The following TSPAN11 variants were observed in gnomAD, a reference collection of about 807,000 sequenced individuals.
TSPAN11 encodes tetraspanin-11.
A neutral mutation model predicts 32.9 loss-of-function variants in TSPAN11; 29 were observed. The observed-to-expected ratio is 0.88, with a 90% CI of 0.66 to 1.20. The LOEUF (loss-of-function observed/expected upper bound fraction) is 1.20. Among genes scored for constraint, TSPAN11 ranks in the 50% most tolerant of loss-of-function variants. TSPAN11 has a pLI of 0.00. For synonymous variants in TSPAN11, 140 were observed against 141.3 expected (o/e 0.99, Z 0.07); for missense variants, 283 against 329.1 (o/e 0.86, Z 1.08).
chr12:30,930,967 T>G (rs1196999568), intron 1 of TSPAN11, among the ~76,000 whole-genome samples: 2 of 152,184 alleles, frequency 1.3e-5, no homozygotes, highest in Non-Finnish European at 2.9e-5. Context: ...GCTTAGAGGC[T>G]TAAGGATTTT....
chr12:30,952,526 A>T (rs1043228191), intron 1 of TSPAN11, among the ~76,000 whole-genome samples: 18 of 152,230 alleles, frequency 1.2e-4, no homozygotes, highest in African/African-American at 4.3e-4. Context: ...TAGAAATCAC[A>T]AATAAGTCAG....
intron 3 of TSPAN11, among the ~76,000 whole-genome samples, chr12:30,972,958 C>T (rs1938882730): frequency 6.6e-6 from 1 of 152,034 alleles, no homozygotes; most frequent in Non-Finnish European, 1.5e-5. Context: ...TCCATCTTCA[C>T]CTACTCATTC....
At chr12:30,934,156 G>A (rs991018585) in intron 1 of TSPAN11, among the ~76,000 whole-genome samples, 1 of 152,250 alleles carries the variant, frequency 6.6e-6, no homozygotes, top group African/African-American at 2.4e-5. Context: ...ACCCCCAGCT[G>A]TTGGGTGGGC....
chr12:30,937,700 A>G (rs1938075434), intron 1 of TSPAN11, among the ~76,000 whole-genome samples: 1 of 152,212 alleles, frequency 6.6e-6, no homozygotes, highest in Admixed American at 6.5e-5. Flanking sequence ...TGTGGTCCCC[A>G]GACCAACAGC....
intron 1 of TSPAN11, among the ~76,000 whole-genome samples, chr12:30,939,739 G>A (rs1167786593): frequency 9.2e-5 from 14 of 152,180 alleles, no homozygotes; most frequent in Admixed American, 7.2e-4. Flanking sequence ...TAGGAGAAGT[G>A]AGGAGACTGC....
chr12:30,965,118 C>A (rs1222078782), intron 3 of TSPAN11, among the ~76,000 whole-genome samples: 3 of 152,232 alleles, frequency 2.0e-5, no homozygotes, highest in Non-Finnish European at 4.4e-5. Flanking sequence ...TAAAACCAGG[C>A]ATGTAGCGCA....
At chr12:30,946,339 C>T (rs1174556747) in intron 1 of TSPAN11, among the ~76,000 whole-genome samples, 1 of 152,162 alleles carries the variant, frequency 6.6e-6, no homozygotes, top group Non-Finnish European at 1.5e-5. Context: ...TTTAACAAAC[C>T]CTCCAGATAA....
chr12:30,931,107 A>G (rs1025886185), intron 1 of TSPAN11, among the ~76,000 whole-genome samples: 3 of 152,118 alleles, frequency 2.0e-5, no homozygotes, highest in Admixed American at 6.5e-5. Context: ...TAAACCCCCC[A>G]GTGGTTCTCA....
chr12:30,933,226 AT>A (rs1937969911), intron 1 of TSPAN11, among the ~76,000 whole-genome samples: 1 of 152,148 alleles, frequency 6.6e-6, no homozygotes, highest in African/African-American at 2.4e-5. Flanking sequence ...TTGTCCTCTA[AT>A]TTAACTGGGC....
chr12:30,997,564 C>T (rs543385262), downstream of TSPAN11: 1 of 152,212 alleles, frequency 6.6e-6, no homozygotes, highest in Non-Finnish European at 1.5e-5. Context: ...TTTAAATAAC[C>T]AGATCTCATG....
intron 1 of TSPAN11, among the ~76,000 whole-genome samples, chr12:30,942,001 T>C (rs1938175863): frequency 6.6e-6 from 1 of 152,248 alleles, no homozygotes; most frequent in Admixed American, 6.5e-5. Context: ...AGATTTTTCA[T>C]GGCCACTTGG....
chr12:30,945,841 C>T (rs1312903756), intron 1 of TSPAN11, among the ~76,000 whole-genome samples: 7 of 152,046 alleles, frequency 4.6e-5, no homozygotes, highest in Non-Finnish European at 1.0e-4. Flanking sequence ...CTGTCTATGA[C>T]ATTAATGGCC....
At chr12:30,935,762 G>A (rs1049227633) in intron 1 of TSPAN11, among the ~76,000 whole-genome samples, 3 of 152,154 alleles carry the variant, frequency 2.0e-5, no homozygotes, top group Non-Finnish European at 2.9e-5. Context: ...TGGGCTTAGG[G>A]TCACCGGCAG....
rs961154143 is a variant in TSPAN11, at chr12:30,994,703, G to A, written c.*2788G>A. The A allele has an allele frequency of 2.6e-5, 4 of 152,236 alleles. No individual in the cohort carries two copies. Among genetic ancestry groups the A allele is most frequent in the African/African-American group, 7.2e-5 (3 of 41,450 alleles). The allele number at this position is 152,236 out of a possible 1,614,324, so 9.4% of individuals were successfully genotyped here. A position where few individuals can be genotyped will look rare whatever the true frequency, so the allele number is the denominator to read the frequency against. Reference sequence around the variant, plus strand: ...CTCAGGCAGAGTAAGTGGGGAGTGTGTCCAGGGATTTTTTTGTGTTTACCA... The same window carrying A: ...CTCAGGCAGAGTAAGTGGGGAGTGTATCCAGGGATTTTTTTGTGTTTACCA... On this transcript the variant is annotated 3_prime_UTR_variant, in exon 8 of 8. Coordinates refer to ENST00000546076, the MANE Select transcript of TSPAN11 (RefSeq NM_001370302.1).
At chr12:30,953,157 C>G (rs989101851) in intron 1 of TSPAN11, among the ~76,000 whole-genome samples, 1 of 152,188 alleles carries the variant, frequency 6.6e-6, no homozygotes, top group Non-Finnish European at 1.5e-5. Flanking sequence ...GTCTTAGGCT[C>G]TAGCCCCAGT....
intron 2 of TSPAN11, among the ~76,000 whole-genome samples, chr12:30,959,263 C>T (rs566319972): frequency 6.6e-6 from 1 of 152,256 alleles, no homozygotes; most frequent in South Asian, 2.1e-4. Context: ...AGCAGCACCA[C>T]AGGCATGCAG....
At chr12:30,951,326 A>C (rs2140282620) in intron 1 of TSPAN11, among the ~76,000 whole-genome samples, 1 of 152,326 alleles carries the variant, frequency 6.6e-6, no homozygotes, top group Non-Finnish European at 1.5e-5. Context: ...CTAAGTATCT[A>C]ACTAAAATTG....
chr12:30,975,029 A>T lies in TSPAN11; in HGVS notation c.277-3532A>T, dbSNP rs1329464845. Among the ~76,000 whole-genome samples, 3 of 152,236 alleles carry T rather than the reference A, an allele frequency of 2.0e-5. No individual in the cohort carries two copies. Among genetic ancestry groups the T allele is most frequent in the African/African-American group, 4.8e-5 (2 of 41,466 alleles). On this transcript the variant is annotated intron_variant, in intron 3 of 7. Coordinates refer to ENST00000546076, the MANE Select transcript of TSPAN11 (RefSeq NM_001370302.1). This position sits in a 1 kb window ranked among gnomAD's most constrained non-coding sequence, Gnocchi z 4.5. ...ACAGGTAGGCACCAGCATTCCAGGC[A>T]GGGGGACAGGCAGGGCAAAGGCCCA...
chr12:30,981,697 A>G (rs1242381196), intron 5 of TSPAN11, among the ~76,000 whole-genome samples: 3 of 152,312 alleles, frequency 2.0e-5, no homozygotes, highest in Middle Eastern at 3.4e-3. Flanking sequence ...CTACCACGCG[A>G]CAGTGGATGC....
Sources: allele counts gnomAD v4.1 joint callset (sites outside exome capture counted in the v4.1 genomes callset), GRCh38; gene constraint gnomAD v4.1.1; non-coding constraint Gnocchi (gnomAD v3.1); transcripts MANE v1.5; gene names NCBI Gene and HGNC (gene_info 2026-07-23, HGNC 2026-07-21).